MEGF9: variants seen among roughly 807,000 people sequenced by gnomAD.
MEGF9 encodes the protein multiple epidermal growth factor-like domains protein 9.
In MEGF9, 6 loss-of-function variants were observed where a neutral mutation model predicts 46.8. That is an observed-to-expected ratio of 0.13 (90% CI 0.07 to 0.25). The LOEUF (loss-of-function observed/expected upper bound fraction) is 0.25. Ranked by LOEUF, MEGF9 falls within the 10% of genes least tolerant of loss-of-function variation. The pLI is 1.00. For missense variants in MEGF9, 683 were observed against 792.4 expected (o/e 0.86, Z 1.66); for synonymous variants, 302 against 330.7 (o/e 0.91, Z 0.94).
intron 1 of MEGF9, among the ~76,000 whole-genome samples, chr9:120,663,023 AT>A (rs2043709575): frequency 6.6e-6 from 1 of 152,236 alleles, no homozygotes; most frequent in African/African-American, 2.4e-5. Flanking sequence ...ATGAGCATTT[AT>A]TAATTATATA....
At chr9:120,678,461 C>CTT (rs111658732) in intron 1 of MEGF9, among the ~76,000 whole-genome samples, 6,485 of 152,098 alleles carry the variant, frequency 0.043, 454 homozygotes, top group African/African-American at 0.15. Context: ...TACTGTCTGA[C>CTT]TTGTGGGGGA....
At chr9:120,631,196 T>C (rs2043549150) in intron 2 of MEGF9, among the ~76,000 whole-genome samples, 1 of 152,234 alleles carries the variant, frequency 6.6e-6, no homozygotes, top group Non-Finnish European at 1.5e-5. Flanking sequence ...TTTCTGCATA[T>C]GGATATCCAG....
At chr9:120,635,670 T>C (rs1050258709) in intron 2 of MEGF9, among the ~76,000 whole-genome samples, 6 of 152,054 alleles carry the variant, frequency 3.9e-5, no homozygotes, top group Non-Finnish European at 8.8e-5. Context: ...TGGTTGGTTC[T>C]TTTTTTTATG....
At chr9:120,701,356 G>T (rs1389906848) in intron 1 of MEGF9, among the ~76,000 whole-genome samples, 1 of 152,026 alleles carries the variant, frequency 6.6e-6, no homozygotes, top group African/African-American at 2.4e-5. Flanking sequence ...TTATCTAAAG[G>T]GTCTAAAATT....
chr9:120,615,550 C>A (rs2043468613), intron 3 of MEGF9, among the ~76,000 whole-genome samples: 1 of 151,776 alleles, frequency 6.6e-6, no homozygotes, highest in East Asian at 1.9e-4. Flanking sequence ...AAAAAAATAA[C>A]CTTACGTGGT....
At chr9:120,649,736 T>C (rs912568686) in intron 2 of MEGF9, among the ~76,000 whole-genome samples, 14 of 152,240 alleles carry the variant, frequency 9.2e-5, no homozygotes, top group African/African-American at 3.4e-4. Flanking sequence ...ACCAGAAATA[T>C]GCATATGAAC....
chr9:120,672,171 T>C (rs1252749269), intron 1 of MEGF9, among the ~76,000 whole-genome samples: 2 of 152,170 alleles, frequency 1.3e-5, no homozygotes, highest in Admixed American at 1.3e-4. Context: ...ACTAATTACT[T>C]TCTCCCAAGA....
chr9:120,694,528 C>T (rs2043866166), intron 1 of MEGF9, among the ~76,000 whole-genome samples: 1 of 152,186 alleles, frequency 6.6e-6, no homozygotes. Context: ...TAATTATGGG[C>T]CTCCACTTCT....
chr9:120,626,931 G>A (rs1203855926), intron 2 of MEGF9, among the ~76,000 whole-genome samples: 1 of 152,194 alleles, frequency 6.6e-6, no homozygotes, highest in East Asian at 1.9e-4. Context: ...CTATGGACAT[G>A]ATGACAGTGA....
intron 2 of MEGF9, among the ~76,000 whole-genome samples, chr9:120,628,331 C>T (rs2043534728): frequency 1.3e-5 from 2 of 152,012 alleles, no homozygotes. Flanking sequence ...ATAAGCGAGG[C>T]TTCTGGAGGA....
At chr9:120,626,528 T>C (rs1455251999) in intron 2 of MEGF9, among the ~76,000 whole-genome samples, 1 of 152,222 alleles carries the variant, frequency 6.6e-6, no homozygotes, top group Non-Finnish European at 1.5e-5. Context: ...AAAAGAAAAT[T>C]CACTGGTGTA....
chr9:120,713,129 T>C (rs571821390), intron 1 of MEGF9, among the ~76,000 whole-genome samples: 1 of 152,360 alleles, frequency 6.6e-6, no homozygotes, highest in South Asian at 2.1e-4. Flanking sequence ...GTGCTCAGCC[T>C]AGATACACAC....
At chr9:120,643,439 T>C (rs936723088) in intron 2 of MEGF9, among the ~76,000 whole-genome samples, 7 of 152,310 alleles carry the variant, frequency 4.6e-5, no homozygotes, top group African/African-American at 1.7e-4. Context: ...CTAACCACAA[T>C]GTCATACATC....
At chr9:120,662,518 C>T (rs1290241869) in intron 1 of MEGF9, among the ~76,000 whole-genome samples, 6 of 152,154 alleles carry the variant, frequency 3.9e-5, no homozygotes, top group East Asian at 1.9e-4. Flanking sequence ...TAGACGTAGA[C>T]GGCTAAGATT....
rs766703594 is a variant in MEGF9 at position 120,713,875 on chromosome 9, T to A, written c.484A>T (p.Thr162Ser). ...TGPAPTTPVA[T>S]TVPAPTTPRT... ...GGAGTCGTGGGCGCCGGTACGGTGG[T>A]CGCTACAGGGGTGGTCGGCGCCGGG... The change falls in exon 1 of 6, where the codon ACC (threonine) becomes TCC (serine). Residue 162 changes from threonine (T) to serine (S), a missense_variant. By Grantham distance (58) the Thr-to-Ser change is moderately conservative. Coordinates refer to ENST00000373930, the MANE Select transcript of MEGF9 (RefSeq NM_001080497.3). 2.3e-6 allele frequency: 3 copies of A among 1,302,134 alleles called. No homozygotes were observed. The highest frequency in any genetic ancestry group is 6.1e-5 in the Admixed American group (2 of 32,680). 80.7% of individuals were successfully genotyped at this position (1,302,134 alleles called of 1,614,324 possible).
chr9:120,620,422 T>C (rs1256743609), intron 3 of MEGF9, among the ~76,000 whole-genome samples: 1 of 152,136 alleles, frequency 6.6e-6, no homozygotes, highest in Non-Finnish European at 1.5e-5. Flanking sequence ...ATGCTAGAGA[T>C]TGTGTATACA....
intron 4 of MEGF9, among the ~76,000 whole-genome samples, chr9:120,609,200 C>A (rs895777006): frequency 2.6e-5 from 4 of 152,174 alleles, no homozygotes; most frequent in Admixed American, 6.5e-5. Context: ...GGTTCAGGCA[C>A]ATTAAATGGC....
At chr9:120,710,902 A>G (rs1234350152) in intron 1 of MEGF9, among the ~76,000 whole-genome samples, 1 of 152,252 alleles carries the variant, frequency 6.6e-6, no homozygotes, top group African/African-American at 2.4e-5. Flanking sequence ...GATATTGGCA[A>G]TCTAGAGTGA....
At chr9:120,632,415 TA>T (rs1156357810) in intron 2 of MEGF9, among the ~76,000 whole-genome samples, 1 of 152,022 alleles carries the variant, frequency 6.6e-6, no homozygotes, top group Non-Finnish European at 1.5e-5. Flanking sequence ...TGTTGCTGTG[TA>T]AAAACAGCAC....
Sources: allele counts gnomAD v4.1 joint callset (sites outside exome capture counted in the v4.1 genomes callset), GRCh38; gene constraint gnomAD v4.1.1; transcripts MANE v1.5; gene names NCBI Gene and HGNC (gene_info 2026-07-23, HGNC 2026-07-21).